Variants in ZFHX3 observed in about 807,000 individuals in gnomAD.
ZFHX3 encodes zinc finger homeobox protein 3.
ZFHX3 carries 42 observed loss-of-function variants against 279.1 expected under a neutral mutation model. The ratio of observed to expected loss-of-function variants is 0.15; its 90% CI spans 0.12 to 0.19. ZFHX3 has a LOEUF of 0.19. ZFHX3 is among the 10% of genes least tolerant of loss of function. The probability of loss-of-function intolerance (pLI) is 1.00; values close to 1 mark genes in which losing one functional copy is unlikely to be tolerated. For missense variants in ZFHX3, 4,981 were observed against 4,754.0 expected (o/e 1.05, Z -1.40); for synonymous variants, 2,293 against 1,957.8 (o/e 1.17, Z -4.52).
intron 1 of ZFHX3, among the ~76,000 whole-genome samples, chr16:73,755,778 C>T (rs985295722): frequency 2.6e-5 from 4 of 152,254 alleles, no homozygotes; most frequent in East Asian, 1.9e-4. Context: ...CCCATGATGT[C>T]GGCAAGAGAT....
upstream of ZFHX3, among the ~76,000 whole-genome samples, chr16:73,051,741 T>C (rs1016905356): frequency 1.3e-5 from 2 of 152,220 alleles, no homozygotes; most frequent in Non-Finnish European, 2.9e-5. Flanking sequence ...CCCCAAGTTT[T>C]AAGAAAGCCA....
intron 2 of ZFHX3, among the ~76,000 whole-genome samples, chr16:73,560,847 T>G (rs1175412588): frequency 6.6e-6 from 1 of 152,150 alleles, no homozygotes; most frequent in Non-Finnish European, 1.5e-5. Flanking sequence ...CAGGCCGAGT[T>G]AAAACACTCT....
intron 2 of ZFHX3, among the ~76,000 whole-genome samples, chr16:73,605,698 G>A (rs1431706301): frequency 6.6e-6 from 1 of 151,876 alleles, no homozygotes; most frequent in Admixed American, 6.6e-5. Flanking sequence ...ATAGAACTGG[G>A]GGGCTGGAGA....
intron 1 of ZFHX3, among the ~76,000 whole-genome samples, chr16:73,688,229 T>C (rs1359255708): frequency 6.6e-6 from 1 of 151,864 alleles, no homozygotes; most frequent in Non-Finnish European, 1.5e-5. Flanking sequence ...TAGTGGCACA[T>C]GCCTGTAATC....
In ZFHX3 at chr16:73,635,449, C is replaced by T. The variant is rs115871713; in HGVS notation, c.-1547+44731G>A. On this transcript the variant is annotated intron_variant, in intron 2 of 17. Coordinates refer to the ZFHX3 transcript ENST00000641206. ...AAACAGACAAACACACACGTATGCA[C>T]CCACATGCAACTCAGTGTTCCAACA... Among the ~76,000 whole-genome samples, 1,193 of 152,268 alleles carry T rather than the reference C, an allele frequency of 7.8e-3. 18 individuals are homozygous for T. The highest frequency in any genetic ancestry group is 0.027 in the African/African-American group (1,119 of 41,544).
In ZFHX3 at chr16:73,685,025, A is replaced by AT. The variant is rs67930871; in HGVS notation, c.-1607-4786dup. 8.6e-3 allele frequency among the ~76,000 whole-genome samples: 1,268 copies of AT among 146,664 alleles called. 24 individuals are homozygous for AT. Among genetic ancestry groups the AT allele is most frequent in the African/African-American group, 0.027 (1,100 of 40,200 alleles). ...AACAAGGGTCATTTTATTTATTATT[A>AT]TTTTTTTTGAGACAGAGTCTCACTC... On this transcript the variant is annotated intron_variant, in intron 1 of 17. Transcript: ENST00000641206.
At chr16:73,307,914 G>A (rs1470097427) in intron 4 of ZFHX3, among the ~76,000 whole-genome samples, 1 of 151,980 alleles carries the variant, frequency 6.6e-6, no homozygotes, top group Non-Finnish European at 1.5e-5. Context: ...GCCTTTACAG[G>A]AACACTGAAC....
In ZFHX3 at chr16:73,615,324, T is replaced by C. The variant is rs1388221087; in HGVS notation, c.-1547+64856A>G. Among the ~76,000 whole-genome samples, 4 of 151,810 alleles carry C rather than the reference T, an allele frequency of 2.6e-5. No homozygotes were observed. The East Asian group carries it at 7.8e-4, about 30-fold the overall frequency. On this transcript the variant is annotated intron_variant, in intron 2 of 17. Coordinates refer to the ZFHX3 transcript ENST00000641206. ...GGATGTGACAGGGCTTGGTCAGGGG[T>C]AAGAAAGGCGATTCCAGCTCTCAGG...
At chr16:72,837,663 A>G (rs113269484) in intron 4 of ZFHX3, among the ~76,000 whole-genome samples, 3 of 134,886 alleles carry the variant, frequency 2.2e-5, no homozygotes, top group African/African-American at 1.2e-4. Flanking sequence ...ATGGGGTCTC[A>G]CTATGTTGCC....
At chr16:73,737,992 G>T (rs953052014) in intron 1 of ZFHX3, among the ~76,000 whole-genome samples, 4 of 152,080 alleles carry the variant, frequency 2.6e-5, no homozygotes, top group Non-Finnish European at 5.9e-5. Flanking sequence ...CAAAACTAAT[G>T]GCAACGTTGA....
At chr16:73,870,500 A>G (rs899089344) in intron 1 of ZFHX3, among the ~76,000 whole-genome samples, 1 of 152,182 alleles carries the variant, frequency 6.6e-6, no homozygotes, top group African/African-American at 2.4e-5. Context: ...TCAACGCTCA[A>G]AACAAATCCC....
chr16:72,812,908 A>G (rs539397802), intron 5 of ZFHX3, among the ~76,000 whole-genome samples: 1 of 152,310 alleles, frequency 6.6e-6, no homozygotes, highest in Admixed American at 6.5e-5. Flanking sequence ...TATCTTCTCT[A>G]TTTTTAACCC....
At chr16:73,355,696 C>T (rs947114855) in intron 3 of ZFHX3, among the ~76,000 whole-genome samples, 13 of 152,206 alleles carry the variant, frequency 8.5e-5, no homozygotes, top group Non-Finnish European at 1.8e-4. Context: ...GAATTGAATT[C>T]AACTGCTCCC....
At chr16:73,154,620 A>T (rs1204560187) in intron 5 of ZFHX3, among the ~76,000 whole-genome samples, 1 of 152,198 alleles carries the variant, frequency 6.6e-6, no homozygotes, top group Admixed American at 6.5e-5. Context: ...AGTAGGTTTA[A>T]GTCCAGAGAA....
intron 8 of ZFHX3, among the ~76,000 whole-genome samples, chr16:73,084,300 A>G (rs1655424556): frequency 6.6e-6 from 1 of 152,222 alleles, no homozygotes; most frequent in African/African-American, 2.4e-5. Flanking sequence ...AAGAAGTCAA[A>G]TTATTACTGT....
At chr16:73,403,025 T>A (rs1238380154) in intron 3 of ZFHX3, among the ~76,000 whole-genome samples, 1 of 151,280 alleles carries the variant, frequency 6.6e-6, no homozygotes, top group Non-Finnish European at 1.5e-5. Context: ...TACACAACAG[T>A]GTAAATAGGC....
intron 3 of ZFHX3, among the ~76,000 whole-genome samples, chr16:73,328,963 GTCC>G (rs1156317036): frequency 6.6e-6 from 1 of 152,172 alleles, no homozygotes; most frequent in East Asian, 1.9e-4. Context: ...GGACCTCTCT[GTCC>G]TCCTTATATT....
chr16:73,541,025 G>A (rs554018447), intron 2 of ZFHX3, among the ~76,000 whole-genome samples: 3 of 152,266 alleles, frequency 2.0e-5, no homozygotes, highest in Admixed American at 1.3e-4. Context: ...CAGCAGCCCT[G>A]GCCCTGCCTA....
chr16:73,845,895 G>T (rs1032149405), intron 1 of ZFHX3, among the ~76,000 whole-genome samples: 1 of 152,090 alleles, frequency 6.6e-6, no homozygotes, highest in Non-Finnish European at 1.5e-5. Context: ...GCTTACTGCA[G>T]CCTCAAATTC....
Sources: allele counts gnomAD v4.1 joint callset (sites outside exome capture counted in the v4.1 genomes callset), GRCh38; gene constraint gnomAD v4.1.1; transcripts MANE v1.5; gene names NCBI Gene and HGNC (gene_info 2026-07-23, HGNC 2026-07-21).